TNNT3: variants seen among roughly 807,000 people sequenced by gnomAD.
TNNT3 encodes troponin T, fast skeletal muscle.
TNNT3 carries 36 observed loss-of-function variants against 54.2 expected under a neutral mutation model. The observed-to-expected ratio is 0.66, with a 90% CI of 0.51 to 0.88. TNNT3 has a LOEUF of 0.88. Ranked by LOEUF, TNNT3 falls within the 40% of genes least tolerant of loss-of-function variation. The pLI, the probability that TNNT3 is intolerant of heterozygous loss-of-function variation, is 0.00. For missense variants in TNNT3, 291 were observed against 331.6 expected (o/e 0.88, Z 0.95); for synonymous variants, 120 against 109.7 (o/e 1.09, Z -0.59).
intron 4 of TNNT3, 179 bp from the exon 5 acceptor site, chr11:1,924,920 G>A (rs752014665): frequency 1.3e-5 from 9 of 718,360 alleles, no homozygotes; most frequent in Admixed American, 4.0e-5. Flanking sequence ...GCTCCCCGGG[G>A]CTGGCCAGAG....
chr11:1,928,740 C>A (rs1394995412), intron 6 of TNNT3, among the ~76,000 whole-genome samples: 2 of 152,192 alleles, frequency 1.3e-5, no homozygotes, highest in Admixed American at 1.3e-4. Context: ...GGCTGCAACG[C>A]CCTCTTGGTG....
intron 14 of TNNT3, among the ~76,000 whole-genome samples, chr11:1,935,795 G>A (rs1227751913): frequency 6.6e-6 from 1 of 152,084 alleles, no homozygotes; most frequent in Non-Finnish European, 1.5e-5. Flanking sequence ...TGCAGCAGGT[G>A]TGGGGCGACC....
At position 1,933,999 on chromosome 11, in the gene TNNT3, C is replaced by T. The variant is rs1854206458; in HGVS notation, c.357C>T (p.Asn119=). 6.2e-7 allele frequency: 1 copy of T among 1,612,128 alleles called. No homozygotes were observed. Residue 119 remains asparagine (N), a synonymous_variant, in exon 11 of 16, where the codon AAC becomes AAT. Coordinates refer to ENST00000278317, the MANE Select transcript of TNNT3 (RefSeq NM_006757.4). ...CAGAGAAGGAGAGGGAGCGCCAGAACAGACTGGCGGTGAGGGCACCATCCG... is the reference window on the plus strand; with the variant it reads ...CAGAGAAGGAGAGGGAGCGCCAGAATAGACTGGCGGTGAGGGCACCATCCG... ...IRAEKERERQ[N]RLAEEKARRE...
At chr11:1,931,774 G>A (rs954452271) in intron 8 of TNNT3, among the ~76,000 whole-genome samples, 4 of 147,066 alleles carry the variant, frequency 2.7e-5, no homozygotes, top group African/African-American at 7.6e-5. Context: ...GTGTCATCTG[G>A]CCTTCTTTCC....
intron 9 of TNNT3, among the ~76,000 whole-genome samples, chr11:1,932,954 A>G (rs1319319943): frequency 1.1e-5 from 1 of 88,422 alleles, no homozygotes; most frequent in African/African-American, 4.3e-5. Flanking sequence ...CCACCCATTC[A>G]TACACTCACC....
At chr11:1,920,799 C>G (rs1324210347) in intron 1 of TNNT3, among the ~76,000 whole-genome samples, 1 of 152,162 alleles carries the variant, frequency 6.6e-6, no homozygotes, top group Non-Finnish European at 1.5e-5. Flanking sequence ...GTTGAAATGC[C>G]ATCCCCTGCC....
chr11:1,933,001 C>T (rs904744255), intron 9 of TNNT3, among the ~76,000 whole-genome samples: 40 of 152,048 alleles, frequency 2.6e-4, no homozygotes, highest in South Asian at 2.1e-4. Flanking sequence ...CTCACCTACT[C>T]GCTCACCCAC....
chr11:1,936,009 G>A (rs1854907492), intron 14 of TNNT3, among the ~76,000 whole-genome samples: 1 of 152,184 alleles, frequency 6.6e-6, no homozygotes, highest in South Asian at 2.1e-4. Context: ...CCCTGAGACG[G>A]GCTTCACGGC....
At chr11:1,933,069 C>T (rs535993139) in intron 9 of TNNT3, among the ~76,000 whole-genome samples, 28 of 150,798 alleles carry the variant, frequency 1.9e-4, no homozygotes, top group East Asian at 1.2e-3. Context: ...ATCCATCCAT[C>T]GATCCATCTA....
Position 1,924,342 on chromosome 11 carries a change from G to A in TNNT3, c.50-757G>A, listed in dbSNP as rs150174663. 9.1e-4 allele frequency among the ~76,000 whole-genome samples: 139 copies of A among 152,316 alleles called. 2 individuals carry two copies. The highest frequency in any genetic ancestry group is 9.1e-3 in the South Asian group (44 of 4,826). On this transcript the variant is annotated intron_variant, in intron 4 of 15. Transcript: ENST00000278317. ...GCGTGGGCGGGTGTGGGCGCACCTG[G>A]GAACCGTGTGGGGTGGCGGTTCTCA...
rs1851656528 is a variant in TNNT3, at chr11:1,926,571, T to C, written c.68-124T>C. The C allele has an allele frequency of 7.5e-6, 12 of 1,607,752 alleles. No homozygotes were observed. In the Admixed American group the frequency reaches 1.7e-4, roughly 22 times the overall value. On this transcript the variant is annotated intron_variant, in intron 5 of 15. Transcript: ENST00000278317. ...AGGAACAAGAGGGGCCGCGTAACCCTGCACAGCCTGGCCTGCTCGCTCCGC... is the reference window on the plus strand; with the variant it reads ...AGGAACAAGAGGGGCCGCGTAACCCCGCACAGCCTGGCCTGCTCGCTCCGC...
At position 1,938,479 on chromosome 11, in the gene TNNT3, G is replaced by GGC. The variant is rs1855799203; in HGVS notation, c.767_768dup (p.Trp257AlafsTer?). On this transcript the variant is annotated frameshift_variant, in exon 16 of 16. Transcript: ENST00000278317. LOFTEE classifies it high-confidence loss of function. ...ACCCCAGCCAAGGGCAAAGTCGGCG[G>GGC]GCGCTGGAAGTAGAGAGGCCAGAAA... is the stretch of plus-strand genomic sequence containing the variant. The GGC allele has an allele frequency of 5.6e-6, 9 of 1,613,332 alleles. No homozygotes were observed. The highest frequency in any genetic ancestry group is 7.6e-6 in the Non-Finnish European group (9 of 1,179,910).
chr11:1,924,863 G>A (rs1033963260), intron 4 of TNNT3: 11 of 629,150 alleles, frequency 1.7e-5, no homozygotes, highest in East Asian at 2.7e-5. Flanking sequence ...CTCAGGGGCC[G>A]GGCCCAGCCC....
intron 14 of TNNT3, 151 bp downstream of exon 14, chr11:1,935,070 T>C (rs1854574649): frequency 1.3e-6 from 1 of 748,856 alleles, no homozygotes; most frequent in Non-Finnish European, 2.3e-6. Flanking sequence ...CACGGACCCC[T>C]GGCTGAGGCT....
At chr11:1,926,130 C>A (rs183458634) in intron 5 of TNNT3, among the ~76,000 whole-genome samples, 10 of 152,282 alleles carry the variant, frequency 6.6e-5, no homozygotes, top group African/African-American at 2.4e-4. Flanking sequence ...CTTCTGGGGG[C>A]GCCCCAGGAC....
intron 14 of TNNT3, chr11:1,935,281 G>C (rs1011033748): frequency 3.6e-5 from 13 of 360,050 alleles, no homozygotes; most frequent in Non-Finnish European, 5.4e-5. Flanking sequence ...TCATCACCCA[G>C]CTCGGCCCCG....
chr11:1,929,851 C>T (rs1247319147), intron 8 of TNNT3, 23 bp downstream of exon 8: 5 of 1,510,284 alleles, frequency 3.3e-6, no homozygotes, highest in Non-Finnish European at 4.4e-6. Flanking sequence ...TCCTGGCAGG[C>T]CCGCTGCTGA....
intron 5 of TNNT3, 144 bp from the exon 6 acceptor site, chr11:1,926,551 C>A: frequency 3.1e-6 from 5 of 1,610,888 alleles, no homozygotes; most frequent in Non-Finnish European, 4.2e-6. Flanking sequence ...CAAGAAGGAA[C>A]AAGAGGGGCC....
At position 1,934,577 on chromosome 11, in the gene TNNT3, C is replaced by G; in HGVS notation, c.512C>G (p.Ala171Gly). ...ADQKRGKKQT[A>G]REMKKKILAE... ...CAGAAGAGAGGCAAGAAGCAGACAG[C>G]CCGGGAAATGAAGAAGAAGATTCTG... Residue 171 changes from alanine to glycine, a missense_variant, in exon 13 of 16, where the codon GCC (alanine) becomes GGC (glycine). By Grantham distance (60) the Ala-to-Gly change is moderately conservative. Transcript: ENST00000278317. 6.2e-7 allele frequency: 1 copy of G among 1,609,660 alleles called. No homozygotes were observed. The highest frequency in any genetic ancestry group is 1.1e-5 in the South Asian group (1 of 90,700).
Sources: allele counts gnomAD v4.1 joint callset (sites outside exome capture counted in the v4.1 genomes callset), GRCh38; gene constraint gnomAD v4.1.1; transcripts MANE v1.5; gene names NCBI Gene and HGNC (gene_info 2026-07-23, HGNC 2026-07-21).